RSRC1: variants seen among roughly 807,000 people sequenced by gnomAD.
RSRC1 encodes the protein serine/Arginine-related protein 53.
A neutral mutation model predicts 49.1 loss-of-function variants in RSRC1; 39 were observed. The observed-to-expected ratio is 0.79, with a 90% confidence interval of 0.61 to 1.04. RSRC1 has a LOEUF of 1.04. Ranked by LOEUF, RSRC1 falls within the 50% of genes least tolerant of loss-of-function variation. The pLI is 0.00. For missense variants in RSRC1, 388 were observed against 402.4 expected (o/e 0.96, Z 0.31); for synonymous variants, 143 against 130.8 (o/e 1.09, Z -0.63).
At chr3:158,309,290 T>C (rs986681263) in intron 5 of RSRC1, among the ~76,000 whole-genome samples, 3 of 151,840 alleles carry the variant, frequency 2.0e-5, no homozygotes, top group South Asian at 4.1e-4. Context: ...GTTTTGTGCA[T>C]ATTGTGAAAA....
At chr3:158,164,860 T>C (rs1426710285) in intron 3 of RSRC1, among the ~76,000 whole-genome samples, 1 of 152,194 alleles carries the variant, frequency 6.6e-6, no homozygotes. Flanking sequence ...TACTTAAGCA[T>C]ATTAGTCAAT....
intron 4 of RSRC1, among the ~76,000 whole-genome samples, chr3:158,209,476 C>T (rs1367664076): frequency 2.0e-5 from 3 of 152,064 alleles, no homozygotes; most frequent in Non-Finnish European, 4.4e-5. Flanking sequence ...TCTGTTATAG[C>T]AGCACAGAAT....
Position 158,123,955 on chromosome 3 carries a change from G to C in RSRC1, c.284G>C (p.Arg95Thr). Residue 95 changes from arginine (R) to threonine (T), a missense_variant, in exon 3 of 10, where the codon AGA becomes ACA. Physicochemically the swap from Arg to Thr is moderately conservative, Grantham distance 71. Transcript: ENST00000611884. ...TCAAGGGGTCGAGGGAAATCCTATA[G>C]AGTTCAGAGGTCTAGGTCAAAAAGC... ...SRSRGRGKSY[R>T]VQRSRSKSRT... 1 of 1,610,448 alleles carries C rather than the reference G, an allele frequency of 6.2e-7. No homozygotes were observed. Among genetic ancestry groups the C allele is most frequent in the Non-Finnish European group, 8.5e-7 (1 of 1,177,918 alleles).
intron 4 of RSRC1, among the ~76,000 whole-genome samples, chr3:158,284,711 A>G (rs1223776104): frequency 5.3e-5 from 8 of 151,958 alleles, no homozygotes; most frequent in Non-Finnish European, 1.0e-4. Context: ...GTGTCTGTTC[A>G]CGTCCTTTGC....
chr3:158,167,454 G>A (rs62288355), intron 3 of RSRC1, among the ~76,000 whole-genome samples: 1 of 152,178 alleles, frequency 6.6e-6, no homozygotes, highest in Non-Finnish European at 1.5e-5. Flanking sequence ...GCCTTCCAAA[G>A]GGCTGGGATT....
intron 7 of RSRC1, among the ~76,000 whole-genome samples, chr3:158,506,021 T>A (rs1029456842): frequency 4.6e-5 from 7 of 152,154 alleles, no homozygotes; most frequent in Non-Finnish European, 7.4e-5. Context: ...GGGGAAATAC[T>A]ACAGGACAAT....
At chr3:158,139,406 GA>G (rs11338700) in intron 3 of RSRC1, among the ~76,000 whole-genome samples, 5,536 of 148,244 alleles carry the variant, frequency 0.037, 327 homozygotes, top group African/African-American at 0.13. Flanking sequence ...ACTTAGTCTG[GA>G]AAAAAAAAAA....
At chr3:158,155,841 G>A (rs1411689979) in intron 3 of RSRC1, among the ~76,000 whole-genome samples, 1 of 152,100 alleles carries the variant, frequency 6.6e-6, no homozygotes, top group Admixed American at 6.6e-5. Context: ...CTATCATCCA[G>A]GCTTTGTTGT....
chr3:158,149,035 C>A (rs1470689495), intron 3 of RSRC1, among the ~76,000 whole-genome samples: 2 of 152,190 alleles, frequency 1.3e-5, no homozygotes, highest in African/African-American at 4.8e-5. Flanking sequence ...CCACCCACCT[C>A]AGCCTTCCAA....
At chr3:158,460,836 G>T (rs547637918) in intron 6 of RSRC1, 99 bp from the exon 7 acceptor site, 8 of 604,932 alleles carry the variant, frequency 1.3e-5, no homozygotes, top group Non-Finnish European at 2.2e-5. Flanking sequence ...TGATTACTTC[G>T]TGGAAAATAA....
intron 4 of RSRC1, among the ~76,000 whole-genome samples, chr3:158,246,516 A>T (rs938008819): frequency 5.3e-5 from 8 of 151,920 alleles, no homozygotes; most frequent in African/African-American, 1.9e-4. Context: ...GTTGCTGGTA[A>T]TAGTTTGTCC....
At chr3:158,489,276 G>T (rs775764507) in intron 7 of RSRC1, among the ~76,000 whole-genome samples, 2 of 152,124 alleles carry the variant, frequency 1.3e-5, no homozygotes, top group African/African-American at 2.4e-5. Context: ...TTTTCACTTT[G>T]ATTTCAAATC....
intron 3 of RSRC1, among the ~76,000 whole-genome samples, chr3:158,136,227 T>G (rs73025951): frequency 0.011 from 1,709 of 152,314 alleles, 26 homozygotes; most frequent in African/African-American, 0.039. Context: ...CTAATTTGAT[T>G]CGAAATTACA....
intron 6 of RSRC1, among the ~76,000 whole-genome samples, chr3:158,432,678 C>G (rs1406512052): frequency 6.6e-6 from 1 of 151,870 alleles, no homozygotes; most frequent in East Asian, 1.9e-4. Context: ...TAACAAATTT[C>G]ATTCACATAC....
At chr3:158,428,603 C>T (rs1042420964) in intron 6 of RSRC1, among the ~76,000 whole-genome samples, 1 of 151,846 alleles carries the variant, frequency 6.6e-6, no homozygotes, top group African/African-American at 2.4e-5. Context: ...ATGTCTGGCA[C>T]ATATAAAGGG....
At chr3:158,486,383 A>G (rs1371722613) in intron 7 of RSRC1, among the ~76,000 whole-genome samples, 1 of 152,158 alleles carries the variant, frequency 6.6e-6, no homozygotes, top group African/African-American at 2.4e-5. Context: ...TCCAGGCACC[A>G]TGTTAAATGC....
At chr3:158,284,062 T>G in intron 4 of RSRC1, among the ~76,000 whole-genome samples, 1 of 121,234 alleles carries the variant, frequency 8.2e-6, no homozygotes, top group African/African-American at 3.1e-5. Flanking sequence ...CCCACAACAG[T>G]CCCCAGAGTG....
At chr3:158,410,183 A>T (rs1003035419) in intron 6 of RSRC1, among the ~76,000 whole-genome samples, 10 of 152,228 alleles carry the variant, frequency 6.6e-5, no homozygotes, top group African/African-American at 1.9e-4. Flanking sequence ...ACCTACTGGA[A>T]TTCTTAATAT....
intron 6 of RSRC1, among the ~76,000 whole-genome samples, chr3:158,382,083 A>AT (rs1480549687): frequency 5.3e-5 from 8 of 152,090 alleles, no homozygotes; most frequent in African/African-American, 1.7e-4. Context: ...TTTAAAAAAA[A>AT]TTTTTTTAAC....
Sources: gnomAD v4.1 joint callset for allele counts (sites outside exome capture counted in the v4.1 genomes callset) on GRCh38, gnomAD v4.1.1 for gene constraint, MANE v1.5 for transcripts, NCBI Gene and HGNC (gene_info 2026-07-23, HGNC 2026-07-21) for gene names.